ABHD17C: variants seen among roughly 807,000 people sequenced by gnomAD.
ABHD17C encodes the protein abhydrolase domain containing 17C, depalmitoylase, also known as alpha/beta hydrolase domain-containing protein 17C.
ABHD17C carries 11 observed loss-of-function variants against 27.9 expected under a neutral mutation model. The ratio of observed to expected loss-of-function variants is 0.39; its 90% CI spans 0.25 to 0.65. The LOEUF (loss-of-function observed/expected upper bound fraction) is 0.65, where lower values mean the gene tolerates loss of function less well. ABHD17C is among the 30% of genes least tolerant of loss of function. ABHD17C has a pLI of 0.45. For synonymous variants in ABHD17C, 233 were observed against 209.1 expected (o/e 1.11, Z -0.98); for missense variants, 280 against 470.2 (o/e 0.60, Z 3.74).
chr15:80,750,182 C>T (rs1186834676), intron 2 of ABHD17C, among the ~76,000 whole-genome samples: 1 of 152,148 alleles, frequency 6.6e-6, no homozygotes, highest in South Asian at 2.1e-4. Flanking sequence ...GTACCATGCT[C>T]AGTTAATCTT....
At chr15:80,705,366 T>TGTGTGTGTGTGTGTGTGTGTGTGTGTGG (rs1300324609) in intron 1 of ABHD17C, among the ~76,000 whole-genome samples, 48 of 150,768 alleles carry the variant, frequency 3.2e-4, no homozygotes, top group Non-Finnish European at 6.1e-4. Flanking sequence ...TGTGTGTGTG[T>TGTGTGTGTGTGTGTGTGTGTGTGTGTGG]GGTTAGGAGC....
At chr15:80,733,021 C>T (rs1401640465) in intron 1 of ABHD17C, among the ~76,000 whole-genome samples, 1 of 152,190 alleles carries the variant, frequency 6.6e-6, no homozygotes, top group African/African-American at 2.4e-5. Context: ...CAGTTTCACT[C>T]ACTGCCTATT....
chr15:80,709,497 A>AC (rs978293628), intron 1 of ABHD17C, among the ~76,000 whole-genome samples: 109 of 151,856 alleles, frequency 7.2e-4, no homozygotes, highest in Non-Finnish European at 1.4e-3. Flanking sequence ...TCAAAAAAAA[A>AC]AAAACAAAAA....
intron 1 of ABHD17C, among the ~76,000 whole-genome samples, chr15:80,704,036 A>G (rs1401508593): frequency 1.3e-5 from 2 of 152,224 alleles, no homozygotes; most frequent in Non-Finnish European, 2.9e-5. Flanking sequence ...TCTCTCACAG[A>G]GTATCTTGTT....
chr15:80,749,389 T>A, intron 1 of ABHD17C, 124 bp from the exon 2 acceptor site: 1 of 962,626 alleles, frequency 1.0e-6, no homozygotes, highest in East Asian at 2.5e-5. Flanking sequence ...AGTGTACAAG[T>A]TAGATGATAT....
chr15:80,722,640 T>G (rs2170878), intron 1 of ABHD17C, among the ~76,000 whole-genome samples: 133,542 of 151,782 alleles, frequency 0.88, 58,880 homozygotes, highest in Non-Finnish European at 0.91. Flanking sequence ...GTTAATCATA[T>G]GCTCTATACT....
At chr15:80,718,820 C>T (rs866820890) in intron 1 of ABHD17C, among the ~76,000 whole-genome samples, 3 of 152,084 alleles carry the variant, frequency 2.0e-5, no homozygotes, top group African/African-American at 7.2e-5. Flanking sequence ...TGAAGAGACA[C>T]GGTTGATTTA....
chr15:80,698,061 CTTTTTT>C lies in ABHD17C; in HGVS notation c.590+2058_590+2063del, dbSNP rs34987348. On this transcript the variant is annotated intron_variant, in intron 1 of 2. Coordinates refer to ENST00000258884, the MANE Select transcript of ABHD17C (RefSeq NM_021214.2). Reference sequence around the variant, plus strand: ...TAGCAGAATATGTTGTTTTATTTCACTTTTTTTTTTTTTTTTTTTTTGAGACGGAGT... The same window carrying C: ...TAGCAGAATATGTTGTTTTATTTCACTTTTTTTTTTTTTTTGAGACGGAGT... 7.2e-5 allele frequency among the ~76,000 whole-genome samples: 7 copies of C among 97,032 alleles called. No homozygotes were observed. In the East Asian group the frequency reaches 1.1e-3, roughly 15 times the overall value. 63.7% of individuals were successfully genotyped at this position (97,032 alleles called of 152,430 possible).
chr15:80,720,079 C>T (rs1894871816), intron 1 of ABHD17C, among the ~76,000 whole-genome samples: 2 of 152,184 alleles, frequency 1.3e-5, no homozygotes, highest in South Asian at 2.1e-4. Context: ...AGATTACAGG[C>T]GTGAGCTACC....
Position 80,754,322 on chromosome 15 carries a change from C to T in ABHD17C, c.942C>T (p.Tyr314=), listed in dbSNP as rs1895405681. ...ATGACATAGAGCTTTATGCACAATA[C>T]CTAGAAAGACTAAAACAGTTCATAT... ...GHNDIELYAQ[Y]LERLKQFISH... is the part of the protein sequence containing the mutation. Residue 314 remains tyrosine, a synonymous_variant, in exon 3 of 3, where the codon TAC becomes TAT. Transcript: ENST00000258884. 6.2e-7 allele frequency: 1 copy of T among 1,613,746 alleles called. No individual in the cohort carries two copies. Among genetic ancestry groups the T allele is most frequent in the Non-Finnish European group, 8.5e-7 (1 of 1,179,874 alleles).
At chr15:80,720,342 C>G (rs1345334959) in intron 1 of ABHD17C, among the ~76,000 whole-genome samples, 2 of 151,816 alleles carry the variant, frequency 1.3e-5, no homozygotes, top group Non-Finnish European at 2.9e-5. Context: ...GGTTCTCTTT[C>G]TAGTTTTGCT....
intron 1 of ABHD17C, among the ~76,000 whole-genome samples, chr15:80,748,340 A>T (rs952356527): frequency 3.9e-5 from 6 of 152,192 alleles, no homozygotes; most frequent in African/African-American, 1.4e-4. Context: ...ACGGGCTTCA[A>T]CTTTTCCAGA....
intron 1 of ABHD17C, among the ~76,000 whole-genome samples, chr15:80,702,357 T>G (rs1894584738): frequency 6.6e-6 from 1 of 151,982 alleles, no homozygotes; most frequent in Non-Finnish European, 1.5e-5. Flanking sequence ...TAGCTGGGCA[T>G]GGTGGCTCAT....
intron 1 of ABHD17C, among the ~76,000 whole-genome samples, chr15:80,713,683 C>T (rs1242415504): frequency 6.6e-6 from 1 of 151,920 alleles, no homozygotes; most frequent in Non-Finnish European, 1.5e-5. Flanking sequence ...GTGGCAGGCG[C>T]CTGTAATCCC....
chr15:80,706,479 T>C (rs1385687837), intron 1 of ABHD17C, among the ~76,000 whole-genome samples: 2 of 152,236 alleles, frequency 1.3e-5, no homozygotes, highest in Admixed American at 6.5e-5. Context: ...CCGCCAGTAC[T>C]GATGATTAGT....
chr15:80,715,061 G>A (rs983859929), intron 1 of ABHD17C, among the ~76,000 whole-genome samples: 7 of 152,236 alleles, frequency 4.6e-5, no homozygotes, highest in Admixed American at 2.6e-4. Flanking sequence ...GATTACAGGC[G>A]TGAGCCACCG....
intron 1 of ABHD17C, among the ~76,000 whole-genome samples, chr15:80,746,385 TG>T (rs779605324): frequency 6.6e-6 from 1 of 152,234 alleles, no homozygotes; most frequent in African/African-American, 2.4e-5. Flanking sequence ...CACTTTCTTA[TG>T]GGTGTCTTCT....
chr15:80,719,702 C>T (rs1048477687), intron 1 of ABHD17C, among the ~76,000 whole-genome samples: 4 of 152,164 alleles, frequency 2.6e-5, no homozygotes, highest in South Asian at 2.1e-4. Flanking sequence ...AATGTGTACT[C>T]CAATCATGGC....
chr15:80,748,416 T>C (rs1895320335), intron 1 of ABHD17C, among the ~76,000 whole-genome samples: 1 of 152,204 alleles, frequency 6.6e-6, no homozygotes, highest in Non-Finnish European at 1.5e-5. Context: ...CACTTTTCCA[T>C]GTCCTTGCCG....
Sources: gnomAD v4.1 joint callset for allele counts (sites outside exome capture counted in the v4.1 genomes callset) on GRCh38, gnomAD v4.1.1 for gene constraint, MANE v1.5 for transcripts, NCBI Gene and HGNC (gene_info 2026-07-23, HGNC 2026-07-21) for gene names.